Variants in PAM observed in about 807,000 individuals in gnomAD.
PAM encodes peptidyl-glycine alpha-amidating monooxygenase.
PAM carries 72 observed loss-of-function variants against 122.1 expected under a neutral mutation model. That is an observed-to-expected ratio of 0.59 (90% CI 0.49 to 0.72). The LOEUF is 0.72. Ranked by LOEUF, PAM falls within the 30% of genes least tolerant of loss-of-function variation. PAM has a pLI of 0.00. For missense variants in PAM, 1,106 were observed against 1,183.7 expected, an observed-to-expected ratio of 0.93 and a Z score of 0.96; for synonymous variants, 389 against 404.4, an observed-to-expected ratio of 0.96 and a Z score of 0.46.
At chr5:102,786,329 A>G (rs926024662) in intron 1 of PAM, among the ~76,000 whole-genome samples, 2 of 152,232 alleles carry the variant, frequency 1.3e-5, no homozygotes, top group African/African-American at 4.8e-5. Context: ...AGTATTATTC[A>G]TCTCAGGCTT....
In PAM at chr5:102,852,189, T is replaced by C. The variant is rs1196514341; in HGVS notation, c.-373-13634T>C. Among the ~76,000 whole-genome samples the C allele has an allele frequency of 2.0e-5, 3 of 152,348 alleles. No homozygotes were observed. The East Asian group carries it at 5.8e-4, about 29-fold the overall frequency. ...ATTTTGAATACATCCTTGAAAATCA[T>C]GTTGAAAAATAAAATGGTCAGCTTC... On this transcript the variant is annotated intron_variant, in intron 1 of 25. Coordinates refer to ENST00000438793, the MANE Select transcript of PAM (RefSeq NM_001177306.2).
At chr5:102,846,271 G>A (rs576174148) in intron 1 of PAM, among the ~76,000 whole-genome samples, 80 of 152,202 alleles carry the variant, frequency 5.3e-4, no homozygotes, top group Middle Eastern at 3.4e-3. Context: ...AACACACATG[G>A]GATCTTCTCA....
intron 3 of PAM, among the ~76,000 whole-genome samples, chr5:102,868,358 C>A (rs2150973004): frequency 6.6e-6 from 1 of 152,228 alleles, no homozygotes; most frequent in African/African-American, 2.4e-5. Context: ...TTAGAGAATA[C>A]ACATGGGCCT....
At chr5:102,791,087 T>C (rs1374962059) in intron 1 of PAM, among the ~76,000 whole-genome samples, 3 of 152,164 alleles carry the variant, frequency 2.0e-5, no homozygotes, top group Non-Finnish European at 4.4e-5. Flanking sequence ...TGCATCTAAG[T>C]AGCTGCATTA....
intron 14 of PAM, among the ~76,000 whole-genome samples, chr5:102,971,223 G>A (rs926266940): frequency 4.6e-5 from 7 of 152,192 alleles, no homozygotes; most frequent in African/African-American, 1.4e-4. Flanking sequence ...CAATTAGTTT[G>A]TTTTTTCAGT....
In PAM at chr5:102,865,954, C is replaced by T; in HGVS notation, c.-242C>T. The stretch of plus-strand genomic sequence containing the variant: ...GCGGCGCTGGAGGGAGGAAAGCTTC[C>T]GCCTGCGGGCCGGACAAAAGTCCCG... On this transcript the variant is annotated 5_prime_UTR_variant, in exon 2 of 26. Transcript: ENST00000438793. 1 of 428,824 alleles carries T rather than the reference C, an allele frequency of 2.3e-6. No individual in the cohort carries two copies. Among genetic ancestry groups the T allele is most frequent in the Non-Finnish European group, 4.1e-6 (1 of 245,928 alleles). 26.6% of individuals were successfully genotyped at this position (428,824 alleles called of 1,614,324 possible). A position where few individuals can be genotyped will look rare whatever the true frequency, so the allele number is the denominator to read the frequency against.
At chr5:102,934,062 A>G (rs1752464953) in intron 7 of PAM, among the ~76,000 whole-genome samples, 1 of 152,120 alleles carries the variant, frequency 6.6e-6, no homozygotes, top group Admixed American at 6.5e-5. Flanking sequence ...GAAGTGCACA[A>G]TACTATGGGC....
At chr5:102,881,092 A>G (rs1790824441) in intron 3 of PAM, among the ~76,000 whole-genome samples, 1 of 150,728 alleles carries the variant, frequency 6.6e-6, no homozygotes, top group South Asian at 2.1e-4. Context: ...CACTAACTGT[A>G]GAAGAGACTG....
chr5:102,769,896 C>G (rs1176676759), intron 1 of PAM, among the ~76,000 whole-genome samples: 1 of 151,864 alleles, frequency 6.6e-6, no homozygotes, highest in African/African-American at 2.4e-5. Flanking sequence ...GAGAATTTCA[C>G]TGGTATTTTG....
intron 1 of PAM, among the ~76,000 whole-genome samples, chr5:102,861,411 A>G (rs948835804): frequency 2.6e-5 from 4 of 152,222 alleles, no homozygotes; most frequent in African/African-American, 7.2e-5. Context: ...ATCTGGTCCT[A>G]ATGAAACATA....
chr5:102,937,951 T>C (rs1272974844), intron 7 of PAM, among the ~76,000 whole-genome samples: 1 of 152,202 alleles, frequency 6.6e-6, no homozygotes, highest in Non-Finnish European at 1.5e-5. Context: ...CTTTTCATTT[T>C]CATGTCTGAA....
chr5:102,980,504 T>C (rs1769391798), intron 15 of PAM, among the ~76,000 whole-genome samples: 1 of 152,170 alleles, frequency 6.6e-6, no homozygotes, highest in Admixed American at 6.5e-5. Context: ...ATGAAGACAG[T>C]TATGTGGAAT....
intron 1 of PAM, among the ~76,000 whole-genome samples, chr5:102,780,710 C>T (rs1463808359): frequency 2.0e-5 from 3 of 152,142 alleles, no homozygotes; most frequent in Admixed American, 1.3e-4. Context: ...AAAATCATTG[C>T]TCTAAGGCAG....
chr5:102,986,474 A>T (rs1214603889), intron 15 of PAM, among the ~76,000 whole-genome samples: 1 of 152,182 alleles, frequency 6.6e-6, no homozygotes, highest in African/African-American at 2.4e-5. Flanking sequence ...TCAAGAAAGC[A>T]GTCCTATTTA....
At chr5:102,816,436 A>G (rs1769823691) in intron 1 of PAM, among the ~76,000 whole-genome samples, 1 of 152,046 alleles carries the variant, frequency 6.6e-6, no homozygotes, top group Admixed American at 6.6e-5. Context: ...TTAGTAGCAA[A>G]ACTGCTCAAG....
intron 1 of PAM, among the ~76,000 whole-genome samples, chr5:102,763,574 G>C (rs1036254320): frequency 6.6e-6 from 1 of 152,168 alleles, no homozygotes; most frequent in Non-Finnish European, 1.5e-5. Context: ...GTAGAATTTT[G>C]TGGGCTTATA....
intron 7 of PAM, among the ~76,000 whole-genome samples, chr5:102,943,414 C>A (rs1272335625): frequency 6.6e-6 from 1 of 152,134 alleles, no homozygotes; most frequent in Non-Finnish European, 1.5e-5. Context: ...ATTCACCTCC[C>A]ATTAAGAGAA....
intron 1 of PAM, among the ~76,000 whole-genome samples, chr5:102,787,007 T>C (rs1760725350): frequency 6.6e-6 from 1 of 152,126 alleles, no homozygotes; most frequent in African/African-American, 2.4e-5. Context: ...AAAATCTTAC[T>C]CTCCCATCTG....
intron 1 of PAM, among the ~76,000 whole-genome samples, chr5:102,774,002 T>C (rs1756472579): frequency 6.6e-6 from 1 of 152,080 alleles, no homozygotes; most frequent in African/African-American, 2.4e-5. Flanking sequence ...TTTGGTAAGG[T>C]TAAAACCTCC....
Sources: allele counts gnomAD v4.1 joint callset (sites outside exome capture counted in the v4.1 genomes callset), GRCh38; gene constraint gnomAD v4.1.1; transcripts MANE v1.5; gene names NCBI Gene and HGNC (gene_info 2026-07-23, HGNC 2026-07-21).